The following ZFAT variants were observed in gnomAD, a reference collection of about 807,000 sequenced individuals.
The protein encoded by ZFAT is zinc finger protein ZFAT.
ZFAT carries 64 observed loss-of-function variants against 117.7 expected under a neutral mutation model. That is an observed-to-expected ratio of 0.54 (90% CI 0.44 to 0.67). ZFAT has a LOEUF of 0.67. ZFAT is among the 30% of genes least tolerant of loss of function. The pLI, the probability that ZFAT is intolerant of heterozygous loss-of-function variation, is 0.00. For missense variants in ZFAT, 1,433 were observed against 1,584.5 expected (o/e 0.90, Z 1.62); for synonymous variants, 679 against 615.0 (o/e 1.10, Z -1.54).
At chr8:134,697,673 G>A (rs1833904045) in intron 1 of ZFAT, among the ~76,000 whole-genome samples, 1 of 150,936 alleles carries the variant, frequency 6.6e-6, no homozygotes, top group Admixed American at 6.6e-5. Flanking sequence ...CTTGCAGTGA[G>A]CCGAGATCGC....
At chr8:134,692,643 C>T (rs934148422) in intron 1 of ZFAT, among the ~76,000 whole-genome samples, 1 of 152,156 alleles carries the variant, frequency 6.6e-6, no homozygotes, top group Non-Finnish European at 1.5e-5. Flanking sequence ...AAACAAAATA[C>T]AAACAAACAA....
chr8:134,717,167 G>A (rs996649293), upstream of ZFAT, among the ~76,000 whole-genome samples: 3 of 152,180 alleles, frequency 2.0e-5, no homozygotes, highest in Admixed American at 1.3e-4. Flanking sequence ...GCATAATGAA[G>A]GTCATTGTAA....
the ZFAT span, among the ~76,000 whole-genome samples, chr8:134,826,757 T>C: frequency 6.6e-6 from 1 of 152,194 alleles, no homozygotes; most frequent in Non-Finnish European, 1.5e-5. Context: ...TCCCCTAGTT[T>C]GTGAAAATTG....
At chr8:134,769,621 G>C in the ZFAT span, among the ~76,000 whole-genome samples, 1 of 152,154 alleles carries the variant, frequency 6.6e-6, no homozygotes, top group Non-Finnish European at 1.5e-5. Flanking sequence ...TCTGGAGGAT[G>C]GTGGCCCTCT....
intron 2 of ZFAT, among the ~76,000 whole-genome samples, chr8:134,653,270 T>TTAAAAAAAAAAAAAAAA (rs1554615159): frequency 1.1e-5 from 1 of 91,888 alleles, no homozygotes; most frequent in Non-Finnish European, 2.1e-5. Flanking sequence ...ATGTCTTTTT[T>TTAAAAAAAAAAAAAAAA]AAAAAAAAAA....
chr8:134,732,560 G>A, the ZFAT span, among the ~76,000 whole-genome samples: 1 of 152,218 alleles, frequency 6.6e-6, no homozygotes, highest in Non-Finnish European at 1.5e-5. Context: ...TAGAAAGAAA[G>A]AGAAAGGTAC....
At chr8:134,777,369 T>G in the ZFAT span, among the ~76,000 whole-genome samples, 1 of 152,174 alleles carries the variant, frequency 6.6e-6, no homozygotes, top group Non-Finnish European at 1.5e-5. Context: ...CATACTTGAC[T>G]CTGTTAATAA....
the ZFAT span, among the ~76,000 whole-genome samples, chr8:134,827,390 G>A: frequency 2.0e-5 from 3 of 152,124 alleles, no homozygotes; most frequent in Non-Finnish European, 2.9e-5. Context: ...CTACAGTTCT[G>A]CAGATCACAA....
At chr8:134,713,681 C>T (rs1814127469), upstream of ZFAT, among the ~76,000 whole-genome samples, 1 of 152,146 alleles carries the variant, frequency 6.6e-6, no homozygotes, top group South Asian at 2.1e-4. Context: ...CAGCCTTCGG[C>T]AGGCAGCTGA....
At chr8:134,627,586 A>C (rs1374123180) in intron 3 of ZFAT, among the ~76,000 whole-genome samples, 1 of 152,202 alleles carries the variant, frequency 6.6e-6, no homozygotes, top group Non-Finnish European at 1.5e-5. Flanking sequence ...ACATGTACCT[A>C]CCCAGGGCCT....
chr8:134,504,419 T>G lies in ZFAT; in HGVS notation c.3492+5200A>C, dbSNP rs545628387. Among the ~76,000 whole-genome samples the G allele has an allele frequency of 3.3e-5, 5 of 152,324 alleles. No homozygotes were observed. In the South Asian group the frequency reaches 1.0e-3, roughly 32 times the overall value. ...GATGCTGTGTCATCATAAGGTGTAC[T>G]TATTACTTAAAACACCCCCAGGGAA... is the stretch of plus-strand genomic sequence containing the variant. On this transcript the variant is annotated intron_variant, in intron 15 of 15. Coordinates refer to ENST00000377838, the MANE Select transcript of ZFAT (RefSeq NM_020863.4).
At chr8:134,596,644 A>T (rs1405547692) in intron 7 of ZFAT, among the ~76,000 whole-genome samples, 1 of 152,228 alleles carries the variant, frequency 6.6e-6, no homozygotes, top group Non-Finnish European at 1.5e-5. Flanking sequence ...TGGTGAAATT[A>T]CCACTAAAAA....
At chr8:134,736,710 C>A in the ZFAT span, among the ~76,000 whole-genome samples, 3 of 152,110 alleles carry the variant, frequency 2.0e-5, no homozygotes, top group African/African-American at 7.2e-5. Flanking sequence ...ATCCTCCCAC[C>A]GCAGCCTCCT....
chr8:134,701,431 C>A (rs902594992), intron 1 of ZFAT, among the ~76,000 whole-genome samples: 1 of 152,130 alleles, frequency 6.6e-6, no homozygotes, highest in Non-Finnish European at 1.5e-5. Context: ...TTAGTTTGTT[C>A]CCAAGTTTTA....
the ZFAT span, among the ~76,000 whole-genome samples, chr8:134,732,818 G>A: frequency 1.3e-5 from 2 of 152,146 alleles, no homozygotes; most frequent in Non-Finnish European, 2.9e-5. Flanking sequence ...GTGAGGAGTG[G>A]AGAGGAATGG....
At chr8:134,691,107 C>T (rs1833562832) in intron 1 of ZFAT, among the ~76,000 whole-genome samples, 1 of 152,242 alleles carries the variant, frequency 6.6e-6, no homozygotes, top group Non-Finnish European at 1.5e-5. Flanking sequence ...CTGGCCCTCC[C>T]CTCGATGCAG....
chr8:134,752,781 G>C, the ZFAT span, among the ~76,000 whole-genome samples: 1 of 151,994 alleles, frequency 6.6e-6, no homozygotes, highest in African/African-American at 2.4e-5. Flanking sequence ...GCATGCATGT[G>C]AGCCAGCATG....
intron 14 of ZFAT, among the ~76,000 whole-genome samples, 193 bp downstream of exon 14, chr8:134,512,282 G>T (rs1819909022): frequency 6.6e-6 from 1 of 152,222 alleles, no homozygotes; most frequent in Admixed American, 6.5e-5. Context: ...CTCTGCTTTG[G>T]CTCTGTTCTA....
chr8:134,481,941 C>T (rs1417449714), intron 15 of ZFAT, among the ~76,000 whole-genome samples: 3 of 152,196 alleles, frequency 2.0e-5, no homozygotes, highest in Admixed American at 6.5e-5. Context: ...CCAAGGCCAC[C>T]GGCCACCTCC....
Sources: allele counts gnomAD v4.1 joint callset (sites outside exome capture counted in the v4.1 genomes callset), GRCh38; gene constraint gnomAD v4.1.1; transcripts MANE v1.5; gene names NCBI Gene and HGNC (gene_info 2026-07-23, HGNC 2026-07-21).